Variants in HERC3 observed in about 807,000 individuals in gnomAD.
The protein encoded by HERC3 is HECT and RLD domain containing E3 ubiquitin protein ligase 3.
A neutral mutation model predicts 129.9 loss-of-function variants in HERC3; 58 were observed. The observed-to-expected ratio is 0.45, with a 90% CI of 0.36 to 0.56. HERC3 has a LOEUF of 0.56. HERC3 is among the 20% of genes least tolerant of loss of function. HERC3 has a pLI of 0.00. For synonymous variants in HERC3, 430 were observed against 451.0 expected (o/e 0.95, Z 0.59); for missense variants, 835 against 1,244.2 (o/e 0.67, Z 4.95).
intron 19 of HERC3, among the ~76,000 whole-genome samples, chr4:88,679,358 G>T (rs935290008): frequency 1.3e-5 from 2 of 152,072 alleles, no homozygotes; most frequent in Non-Finnish European, 2.9e-5. Flanking sequence ...CCTATTGAGC[G>T]TGATTTCTCC....
At chr4:88,598,378 T>A (rs75717238) in intron 2 of HERC3, among the ~76,000 whole-genome samples, 2 of 152,344 alleles carry the variant, frequency 1.3e-5, no homozygotes, top group East Asian at 3.9e-4. Flanking sequence ...ACAAAAAAAC[T>A]TCCTCCTATC....
chr4:88,610,448 C>T (rs1301011072), intron 3 of HERC3, among the ~76,000 whole-genome samples: 7 of 101,930 alleles, frequency 6.9e-5, no homozygotes, highest in Admixed American at 4.6e-4. Flanking sequence ...AGCGAGACTC[C>T]GTCTCAAAAA....
chr4:88,661,937 G>A (rs1208126136), intron 10 of HERC3, among the ~76,000 whole-genome samples: 1 of 152,160 alleles, frequency 6.6e-6, no homozygotes. Flanking sequence ...TCAAAGCAAA[G>A]GGGAAAGAAG....
intron 24 of HERC3, 57 bp downstream of exon 24, chr4:88,704,338 G>A (rs746709038): frequency 1.9e-6 from 3 of 1,562,092 alleles, no homozygotes; most frequent in Admixed American, 3.4e-5. Context: ...AGCAGCCTGG[G>A]GAGGTGTTCC....
chr4:88,615,165 A>G lies in HERC3; in HGVS notation c.226+9116A>G, dbSNP rs111634850. Among the ~76,000 whole-genome samples, 955 of 152,240 alleles carry G rather than the reference A, an allele frequency of 6.3e-3. 10 individuals carry two copies. Among genetic ancestry groups the G allele is most frequent in the African/African-American group, 0.022 (919 of 41,550 alleles). Reference sequence around the variant, plus strand: ...GCGATTTTTGTAAATCCACCCTTTAATTCTGAATTTTTGTGTTACAATAGC... The same window carrying G: ...GCGATTTTTGTAAATCCACCCTTTAGTTCTGAATTTTTGTGTTACAATAGC... On this transcript the variant is annotated intron_variant, in intron 3 of 25. Transcript: ENST00000402738.
At chr4:88,665,153 T>C (rs1325207429) in intron 12 of HERC3, among the ~76,000 whole-genome samples, 1 of 152,214 alleles carries the variant, frequency 6.6e-6, no homozygotes, top group Non-Finnish European at 1.5e-5. Context: ...GATAAATAGA[T>C]AGATGGATGT....
chr4:88,683,859 G>A (rs1460533705), intron 21 of HERC3, among the ~76,000 whole-genome samples: 2 of 152,164 alleles, frequency 1.3e-5, no homozygotes, highest in South Asian at 2.1e-4. Context: ...ATGCAGCCCA[G>A]CACAAACTCA....
rs547112489 is a variant in HERC3, at chr4:88,700,595, A to C, written c.2658-3503A>C. Among the ~76,000 whole-genome samples the C allele has an allele frequency of 2.6e-5, 4 of 152,268 alleles. No homozygotes were observed. The South Asian group carries it at 8.3e-4, about 32-fold the overall frequency. On this transcript the variant is annotated intron_variant, in intron 23 of 25. Coordinates refer to ENST00000402738, the MANE Select transcript of HERC3 (RefSeq NM_014606.3). ...ACCTATTTCCTCATTTCAAAGGCAC[A>C]TCTGCGTTTTTAGGTATTTGCTGTT...
At chr4:88,672,742 A>G (rs1028852721) in intron 16 of HERC3, among the ~76,000 whole-genome samples, 4 of 152,240 alleles carry the variant, frequency 2.6e-5, no homozygotes, top group Admixed American at 2.0e-4. Context: ...AGTAAGAATT[A>G]TAACAGATTG....
At chr4:88,652,600 T>A (rs1290260390) in intron 5 of HERC3, among the ~76,000 whole-genome samples, 1 of 152,182 alleles carries the variant, frequency 6.6e-6, no homozygotes, top group Non-Finnish European at 1.5e-5. Flanking sequence ...AATTGGCCTG[T>A]CCGAAATTGA....
chr4:88,662,841 T>C (rs1230803626), intron 11 of HERC3, among the ~76,000 whole-genome samples: 2 of 152,180 alleles, frequency 1.3e-5, no homozygotes. Context: ...TTGGTGATTC[T>C]GCTAAGAGAG....
Position 88,636,533 on chromosome 4 carries a change from A to G in HERC3, c.227-13307A>G, listed in dbSNP as rs1242040183. ...GACCTACAAAGAGAGTTAGACTCCC[A>G]CACAATAATAGTGGGAGAATTTAAC... On this transcript the variant is annotated intron_variant, in intron 3 of 25. Coordinates refer to ENST00000402738, the MANE Select transcript of HERC3 (RefSeq NM_014606.3). 2.0e-5 allele frequency among the ~76,000 whole-genome samples: 3 copies of G among 152,214 alleles called. No individual in the cohort carries two copies. The East Asian group carries it at 5.8e-4, about 29-fold the overall frequency.
chr4:88,547,184 C>A, the HERC3 span, among the ~76,000 whole-genome samples: 1 of 152,122 alleles, frequency 6.6e-6, no homozygotes, highest in Non-Finnish European at 1.5e-5. Context: ...AATATCACTA[C>A]TCTAGTGAAA....
chr4:88,673,421 C>T (rs372292729), intron 16 of HERC3, among the ~76,000 whole-genome samples: 11 of 152,138 alleles, frequency 7.2e-5, no homozygotes, highest in Admixed American at 2.6e-4. Context: ...TCTGTTCTAT[C>T]CCATTTACTT....
intron 13 of HERC3, 50 bp downstream of exon 13, chr4:88,667,538 C>A (rs3017921): frequency 1.1e-6 from 1 of 946,538 alleles, no homozygotes; most frequent in Non-Finnish European, 1.6e-6. Flanking sequence ...ATTTTTGTAT[C>A]GATGAATTCA....
intron 3 of HERC3, among the ~76,000 whole-genome samples, chr4:88,609,102 C>T (rs1488630173): frequency 1.8e-5 from 2 of 112,356 alleles, no homozygotes; most frequent in African/African-American, 7.7e-5. Context: ...GCCTGGGCAA[C>T]ATACAGATGC....
At chr4:88,691,270 A>G (rs940394616) in intron 23 of HERC3, among the ~76,000 whole-genome samples, 9 of 152,222 alleles carry the variant, frequency 5.9e-5, no homozygotes, top group African/African-American at 2.2e-4. Context: ...GAACTCATCC[A>G]TGCTACTTTA....
chr4:88,689,093 C>G (rs1414930994), intron 23 of HERC3, among the ~76,000 whole-genome samples: 1 of 152,188 alleles, frequency 6.6e-6, no homozygotes, highest in Non-Finnish European at 1.5e-5. Flanking sequence ...GTAAAACTCA[C>G]TCTGGACTTT....
chr4:88,557,644 A>G, the HERC3 span, among the ~76,000 whole-genome samples: 2 of 152,250 alleles, frequency 1.3e-5, no homozygotes, highest in Non-Finnish European at 1.5e-5. Flanking sequence ...GTCCAGCTCT[A>G]GCAAAGCATC....
Sources: allele counts gnomAD v4.1 joint callset (sites outside exome capture counted in the v4.1 genomes callset), GRCh38; gene constraint gnomAD v4.1.1; transcripts MANE v1.5; gene names NCBI Gene and HGNC (gene_info 2026-07-23, HGNC 2026-07-21).